Variants in ENTREP1 observed in about 807,000 individuals in gnomAD.
The protein encoded by ENTREP1 is endosomal transmembrane epsin interactor 1.
At chr9:69,368,876 G>A in the ENTREP1 span, among the ~76,000 whole-genome samples, 1 of 151,836 alleles carries the variant, frequency 6.6e-6, no homozygotes, top group Non-Finnish European at 1.5e-5. Flanking sequence ...GGATACATGT[G>A]CAGAACGTGC....
chr9:69,389,061 G>C, the ENTREP1 span, among the ~76,000 whole-genome samples: 2 of 152,180 alleles, frequency 1.3e-5, no homozygotes, highest in Non-Finnish European at 2.9e-5. Context: ...TAAAGTAAAT[G>C]GTTGGACTAG....
chr9:69,330,241 G>A, the ENTREP1 span, among the ~76,000 whole-genome samples: 1 of 152,308 alleles, frequency 6.6e-6, no homozygotes, highest in East Asian at 1.9e-4. Flanking sequence ...TAGATTTAAT[G>A]AAAGAGGAGA....
the ENTREP1 span, among the ~76,000 whole-genome samples, chr9:69,351,249 A>G: frequency 1.1e-4 from 17 of 152,164 alleles, no homozygotes; most frequent in Non-Finnish European, 2.1e-4. Context: ...GTTTCAGATA[A>G]TTTTTCTGAG....
the ENTREP1 span, among the ~76,000 whole-genome samples, chr9:69,389,814 T>C: frequency 6.6e-6 from 1 of 152,236 alleles, no homozygotes; most frequent in Non-Finnish European, 1.5e-5. Flanking sequence ...TACAGTTCAC[T>C]AGATGCTATC....
the ENTREP1 span, among the ~76,000 whole-genome samples, chr9:69,358,558 G>T: frequency 6.6e-6 from 1 of 152,240 alleles, no homozygotes; most frequent in East Asian, 1.9e-4. Context: ...GGGAAAAAAA[G>T]GGCACAATGA....
chr9:69,348,511 C>A, the ENTREP1 span, among the ~76,000 whole-genome samples: 2 of 152,148 alleles, frequency 1.3e-5, no homozygotes, highest in Non-Finnish European at 2.9e-5. Flanking sequence ...AGCCTATTCC[C>A]AGATCTATGT....
At chr9:69,365,824 A>T in the ENTREP1 span, among the ~76,000 whole-genome samples, 3 of 152,210 alleles carry the variant, frequency 2.0e-5, no homozygotes, top group East Asian at 3.9e-4. Context: ...AAGGGCCTCC[A>T]GTTCCACTCA....
chr9:69,329,300 A>G, the ENTREP1 span: 1 of 935,414 alleles, frequency 1.1e-6, no homozygotes, highest in Non-Finnish European at 1.3e-6. Context: ...TATTTGATAC[A>G]AAATTAGGTT....
At chr9:69,369,077 G>A in the ENTREP1 span, among the ~76,000 whole-genome samples, 33 of 152,058 alleles carry the variant, frequency 2.2e-4, 2 homozygotes, top group African/African-American at 6.5e-4. Flanking sequence ...GAGAACATGC[G>A]GTGTTTGGTT....
chr9:69,375,865 G>A, the ENTREP1 span: 2 of 1,613,018 alleles, frequency 1.2e-6, no homozygotes, highest in Non-Finnish European at 8.5e-7. Flanking sequence ...TCTACTTAAG[G>A]TACCTCAAAC....
chr9:69,374,937 G>A, the ENTREP1 span, among the ~76,000 whole-genome samples: 1 of 152,220 alleles, frequency 6.6e-6, no homozygotes. Flanking sequence ...GAGAAGGAAC[G>A]CACAGTGCAC....
chr9:69,384,097 T>C, the ENTREP1 span: 2 of 1,175,458 alleles, frequency 1.7e-6, no homozygotes, highest in Non-Finnish European at 2.5e-6. Flanking sequence ...GTGGCTTATC[T>C]CTGTAATCCC....
chr9:69,384,066 T>C, the ENTREP1 span: 8 of 1,468,176 alleles, frequency 5.4e-6, no homozygotes, highest in Non-Finnish European at 7.6e-6. Context: ...GATTAAAACA[T>C]GATAAAATAG....
the ENTREP1 span, among the ~76,000 whole-genome samples, chr9:69,337,601 A>C: frequency 2.6e-5 from 4 of 152,208 alleles, no homozygotes; most frequent in South Asian, 6.2e-4. Flanking sequence ...TTTATTTGCT[A>C]TGTCATTTTG....
chr9:69,377,691 TC>T, the ENTREP1 span: 1 of 1,613,920 alleles, frequency 6.2e-7, no homozygotes, highest in Admixed American at 1.7e-5. Flanking sequence ...CGCCTGTGCC[TC>T]CCCCTTCCTA....
the ENTREP1 span, among the ~76,000 whole-genome samples, chr9:69,325,875 C>T: frequency 0.072 from 10,927 of 152,150 alleles, 460 homozygotes; most frequent in East Asian, 0.17. Context: ...GAAAAATGTT[C>T]CGCGACGGTC....
the ENTREP1 span, chr9:69,385,880 G>A: frequency 6.2e-7 from 1 of 1,612,362 alleles, no homozygotes; most frequent in Non-Finnish European, 8.5e-7. Flanking sequence ...TCAGAAGCCG[G>A]AGAGCCCTCC....
the ENTREP1 span, among the ~76,000 whole-genome samples, chr9:69,353,806 C>G: frequency 6.6e-5 from 10 of 152,206 alleles, no homozygotes; most frequent in African/African-American, 2.4e-4. Flanking sequence ...CTTCTTCTTC[C>G]TTTTTGTAGG....
chr9:69,354,254 ATTT>A, the ENTREP1 span, among the ~76,000 whole-genome samples: 47 of 105,620 alleles, frequency 4.4e-4, no homozygotes, highest in Non-Finnish European at 5.0e-4. Context: ...CTATTGCAAC[ATTT>A]TTTTTTTTTT....
Sources: allele counts gnomAD v4.1 joint callset (sites outside exome capture counted in the v4.1 genomes callset), GRCh38; gene constraint gnomAD v4.1.1; transcripts MANE v1.5; gene names NCBI Gene and HGNC (gene_info 2026-07-23, HGNC 2026-07-21).